PCDHA7: variants seen among roughly 807,000 people sequenced by gnomAD.
The protein encoded by PCDHA7 is protocadherin alpha-7.
Under a neutral mutation model 57.2 loss-of-function variants are expected in PCDHA7, and 37 were observed. The observed-to-expected ratio is 0.65, with a 90% CI of 0.50 to 0.85. PCDHA7 has a LOEUF of 0.85. PCDHA7 is among the 40% of genes least tolerant of loss of function. PCDHA7 has a pLI of 0.00. For missense variants in PCDHA7, 1,188 were observed against 1,241.8 expected (o/e 0.96, Z 0.65); for synonymous variants, 553 against 558.8 (o/e 0.99, Z 0.15).
chr5:140,876,031 G>T (rs1554168208), intron 1 of PCDHA7: 1 of 1,613,702 alleles, frequency 6.2e-7, no homozygotes. Flanking sequence ...AACAAAAAAA[G>T]ATAAAAGTAT....
rs549755742 is a variant in PCDHA7 at position 140,943,684 on chromosome 5, T to C, written c.2356-35265T>C. ...ATGTATAAAGTGTGAAAAAAAGGGA[T>C]AAGGTCAAAATATTGTGGAACACAT... On this transcript the variant is annotated intron_variant, in intron 1 of 3. Transcript: ENST00000525929. Among the ~76,000 whole-genome samples, 254 of 152,102 alleles carry C rather than the reference T, an allele frequency of 1.7e-3. 2 individuals carry two copies. The highest frequency in any genetic ancestry group is 2.9e-4 in the Non-Finnish European group (20 of 67,984).
At chr5:140,870,243 C>T (rs782592982) in intron 1 of PCDHA7, 1 of 1,614,178 alleles carries the variant, frequency 6.2e-7, no homozygotes, top group South Asian at 1.1e-5. Flanking sequence ...ACTCAGGTGT[C>T]AACGGACAGG....
chr5:140,996,130 G>A (rs1185857732), intron 3 of PCDHA7, among the ~76,000 whole-genome samples: 2 of 152,162 alleles, frequency 1.3e-5, no homozygotes, highest in African/African-American at 4.8e-5. Flanking sequence ...GGTGTAGAGG[G>A]TTCTCCCATT....
intron 1 of PCDHA7, chr5:140,883,566 C>A: frequency 1.2e-5 from 19 of 1,614,176 alleles, no homozygotes; most frequent in Non-Finnish European, 1.5e-5. Flanking sequence ...GGGGGCTCGC[C>A]TTCGCTGTGG....
intron 3 of PCDHA7, 125 bp downstream of exon 3, chr5:140,982,688 A>G: frequency 6.4e-6 from 9 of 1,415,764 alleles, no homozygotes; most frequent in African/African-American, 1.4e-5. Flanking sequence ...CCTTTTTTCC[A>G]TACATACATG....
At chr5:140,875,253 A>C in intron 1 of PCDHA7, 1 of 1,053,108 alleles carries the variant, frequency 9.5e-7, no homozygotes, top group Non-Finnish European at 1.3e-6. Flanking sequence ...AATCAGTCAC[A>C]TGATGTCGCT....
At chr5:140,932,312 T>C (rs2088188856) in intron 1 of PCDHA7, among the ~76,000 whole-genome samples, 1 of 151,922 alleles carries the variant, frequency 6.6e-6, no homozygotes, top group Admixed American at 6.6e-5. Context: ...GGTATAAATA[T>C]ATTAATGTAG....
chr5:141,008,040 T>C (rs1408807855), intron 3 of PCDHA7, among the ~76,000 whole-genome samples: 1 of 152,200 alleles, frequency 6.6e-6, no homozygotes, highest in Admixed American at 6.5e-5. Context: ...ATCTGCCTTT[T>C]GTAACAGGGG....
chr5:140,865,608 A>G (rs915675853), intron 1 of PCDHA7: 4 of 152,202 alleles, frequency 2.6e-5, no homozygotes, highest in Non-Finnish European at 5.9e-5. Context: ...CAGTTTATTA[A>G]TATATTTGTT....
At chr5:140,842,943 G>A (rs2150348424) in intron 1 of PCDHA7, 4 of 1,594,646 alleles carry the variant, frequency 2.5e-6, no homozygotes, top group Non-Finnish European at 3.4e-6. Context: ...CGCGACGCGG[G>A]CGTGCCGCCT....
intron 1 of PCDHA7, chr5:140,852,609 A>G (rs1581283750): frequency 2.1e-6 from 2 of 936,558 alleles, no homozygotes; most frequent in East Asian, 1.1e-4. Context: ...TTTTCTTTCA[A>G]AACTTGAGTG....
At chr5:140,968,598 A>G in intron 1 of PCDHA7, 2 of 1,614,102 alleles carry the variant, frequency 1.2e-6, no homozygotes, top group Non-Finnish European at 1.7e-6. Flanking sequence ...ATAGCTATGG[A>G]CTCAGACTCT....
At position 141,009,798 on chromosome 5, in the gene PCDHA7, A is replaced by T; in HGVS notation, c.2675A>T (p.Asn892Ile). 1 of 1,614,116 alleles carries T rather than the reference A, an allele frequency of 6.2e-7. No individual in the cohort carries two copies. The highest frequency in any genetic ancestry group is 2.2e-5 in the East Asian group (1 of 44,868). Residue 892 changes from asparagine (N) to isoleucine (I), a missense_variant, in exon 4 of 4, where the codon AAC (asparagine) becomes ATC (isoleucine). Asn to Ile is a moderately radical substitution (Grantham distance 149). Coordinates refer to ENST00000525929, the MANE Select transcript of PCDHA7 (RefSeq NM_018910.3). The stretch of plus-strand genomic sequence containing the variant: ...ATCTCCATCCGGCAGGAGCCTACTA[A>T]CAGCCAAATTGACAAAAGTGACTTC... Reference protein sequence around the residue: ...AIISIRQEPTNSQIDKSDFIT... With the variant: ...AIISIRQEPTISQIDKSDFIT...
At chr5:140,941,202 CCTTTCTTT>C (rs797023184) in intron 1 of PCDHA7, among the ~76,000 whole-genome samples, 5 of 122,740 alleles carry the variant, frequency 4.1e-5, no homozygotes, top group Non-Finnish European at 9.0e-5. Context: ...TTTCTTTCTT[CCTTTCTTT>C]CTTCCTTTCT....
rs782226531 is a variant in PCDHA7, at chr5:140,928,688, A to G, written c.2356-50261A>G. 6 of 1,614,004 alleles carry G rather than the reference A, an allele frequency of 3.7e-6. No homozygotes were observed. The African/African-American group carries it at 4.0e-5, about 11-fold the overall frequency. The stretch of plus-strand genomic sequence containing the variant: ...GGTTCTAATGCCTGGCTTTCCTACC[A>G]CATCTCCCGGGCGTCTGACTCTAGT... On this transcript the variant is annotated intron_variant, in intron 1 of 3. Transcript: ENST00000525929.
rs17119334 is a variant in PCDHA7, at chr5:140,988,093, G to A, written c.2503+5530G>A. On this transcript the variant is annotated intron_variant, in intron 3 of 3. Coordinates refer to ENST00000525929, the MANE Select transcript of PCDHA7 (RefSeq NM_018910.3). ...CTATTTCATGAGTGAGTGCAGCCTCGGGCCTTGTTGGAGAATTTAGAAAGC... is the reference window on the plus strand; with the variant it reads ...CTATTTCATGAGTGAGTGCAGCCTCAGGCCTTGTTGGAGAATTTAGAAAGC... Among the ~76,000 whole-genome samples the A allele has an allele frequency of 6.9e-3, 1,055 of 152,154 alleles. 47 individuals are homozygous for A. The East Asian group carries it at 0.14, about 21-fold the overall frequency.
chr5:140,887,361 G>T (rs2061424710), intron 1 of PCDHA7, among the ~76,000 whole-genome samples: 1 of 152,144 alleles, frequency 6.6e-6, no homozygotes, highest in South Asian at 2.1e-4. Flanking sequence ...CTCCCAAAGT[G>T]CTGGGATTAC....
intron 1 of PCDHA7, among the ~76,000 whole-genome samples, chr5:140,897,896 T>C (rs1377037458): frequency 6.6e-6 from 1 of 152,204 alleles, no homozygotes; most frequent in Non-Finnish European, 1.5e-5. Context: ...TGGTGTGAGA[T>C]GGTATCTCAT....
intron 1 of PCDHA7, chr5:140,869,464 G>C: frequency 6.2e-7 from 1 of 1,614,198 alleles, no homozygotes; most frequent in Non-Finnish European, 8.5e-7. Context: ...CCATGTGAAC[G>C]TGGAGGTGAA....
Sources: allele counts gnomAD v4.1 joint callset (sites outside exome capture counted in the v4.1 genomes callset), GRCh38; gene constraint gnomAD v4.1.1; transcripts MANE v1.5; gene names NCBI Gene and HGNC (gene_info 2026-07-23, HGNC 2026-07-21).